The following SCAP variants were observed in gnomAD, a reference collection of about 807,000 sequenced individuals.
SCAP encodes the protein SREBF chaperone, also known as sterol regulatory element-binding protein cleavage-activating protein.
SCAP carries 65 observed loss-of-function variants against 123.6 expected under a neutral mutation model. That is an observed-to-expected ratio of 0.53 (90% CI 0.43 to 0.65). SCAP has a LOEUF of 0.65. Among genes scored for constraint, SCAP ranks in the 30% least tolerant of loss-of-function variants. The pLI, the probability that SCAP is intolerant of heterozygous loss-of-function variation, is 0.00. For synonymous variants in SCAP, 740 were observed against 726.3 expected, an observed-to-expected ratio of 1.02 and a Z score of -0.30; for missense variants, 1,398 against 1,712.5, an observed-to-expected ratio of 0.82 and a Z score of 3.24.
chr3:47,421,779 CT>C (rs1271657816), intron 10 of SCAP, among the ~76,000 whole-genome samples: 1 of 152,162 alleles, frequency 6.6e-6, no homozygotes, highest in East Asian at 1.9e-4. Context: ...CCTGCCAGCC[CT>C]GGGGGAAAGA....
At position 47,460,836 on chromosome 3, in the gene SCAP, G is replaced by A. The variant is rs557219277; in HGVS notation, c.-99+14963C>T. Among the ~76,000 whole-genome samples, 93 of 152,318 alleles carry A rather than the reference G, an allele frequency of 6.1e-4. 1 individual carries two copies. In the South Asian group the frequency reaches 0.014, roughly 23 times the overall value. On this transcript the variant is annotated intron_variant, in intron 1 of 22. Coordinates refer to ENST00000265565, the MANE Select transcript of SCAP (RefSeq NM_012235.4). ...CTCCCAAAGTGCTGGGATTACAGGC[G>A]TGAGCCACTGCGCCCAGCAAGAACT...
intron 2 of SCAP, among the ~76,000 whole-genome samples, chr3:47,438,005 T>A (rs1207552686): frequency 6.6e-6 from 1 of 152,190 alleles, no homozygotes; most frequent in Non-Finnish European, 1.5e-5. Flanking sequence ...TTTCTCCAAA[T>A]CCTTGTCACC....
intron 6 of SCAP, 35 bp from the exon 7 acceptor site, chr3:47,426,204 GTTGCTC>G (rs763737898): frequency 6.3e-7 from 1 of 1,595,080 alleles, no homozygotes; most frequent in African/African-American, 1.3e-5. Flanking sequence ...AAATGGAAGT[GTTGCTC>G]TTGGTTCTGG....
At chr3:47,428,381 C>T (rs991655909) in intron 4 of SCAP, 132 bp downstream of exon 4, 7 of 978,876 alleles carry the variant, frequency 7.2e-6, no homozygotes, top group Non-Finnish European at 1.1e-5. Flanking sequence ...TCAAGGCTAG[C>T]TCACCCTCCA....
chr3:47,414,161 T>G lies in SCAP; in HGVS notation c.3594+19A>C. The G allele has an allele frequency of 1.9e-6, 3 of 1,613,620 alleles. No homozygotes were observed. The South Asian group carries it at 3.3e-5, about 18-fold the overall frequency. On this transcript the variant is annotated intron_variant, in intron 22 of 22. Coordinates refer to ENST00000265565, the MANE Select transcript of SCAP (RefSeq NM_012235.4). Reference sequence around the variant, plus strand: ...CTTCCCTAAAATCCCAAGAATCCTATGATCCCCATCCCCTCTACCTGCTGA... The same window carrying G: ...CTTCCCTAAAATCCCAAGAATCCTAGGATCCCCATCCCCTCTACCTGCTGA...
In SCAP at chr3:47,434,832, C is replaced by T. The variant is rs891918153; in HGVS notation, c.252+176G>A. ...AGCCTGGACAACAGGAGCAAAACTC[C>T]ATCTCAAAAAAAAATGTATAAACTA... On this transcript the variant is annotated intron_variant, in intron 3 of 22. Coordinates refer to ENST00000265565, the MANE Select transcript of SCAP (RefSeq NM_012235.4). 1.4e-5 allele frequency: 10 copies of T among 710,468 alleles called. No homozygotes were observed. The East Asian group carries it at 2.8e-4, about 20-fold the overall frequency. 44.0% of individuals were successfully genotyped at this position (710,468 alleles called of 1,614,324 possible). A position where few individuals can be genotyped will look rare whatever the true frequency, so the allele number is the denominator to read the frequency against.
At chr3:47,468,713 C>T (rs1707924485) in intron 1 of SCAP, among the ~76,000 whole-genome samples, 1 of 152,108 alleles carries the variant, frequency 6.6e-6, no homozygotes, top group Non-Finnish European at 1.5e-5. Flanking sequence ...TGTAGAAGCT[C>T]TTTAGTTTAA....
At chr3:47,462,292 C>T (rs1340781906) in intron 1 of SCAP, among the ~76,000 whole-genome samples, 4 of 152,080 alleles carry the variant, frequency 2.6e-5, no homozygotes, top group Non-Finnish European at 5.9e-5. Context: ...TACTATATAA[C>T]TTGTCAAAGG....
At chr3:47,463,244 C>T (rs1310022718) in intron 1 of SCAP, among the ~76,000 whole-genome samples, 1 of 152,186 alleles carries the variant, frequency 6.6e-6, no homozygotes, top group Non-Finnish European at 1.5e-5. Flanking sequence ...ACAGTTTTAC[C>T]TCCAAGTCAG....
At chr3:47,473,609 C>G (rs1708153356) in intron 1 of SCAP, among the ~76,000 whole-genome samples, 1 of 152,190 alleles carries the variant, frequency 6.6e-6, no homozygotes, top group African/African-American at 2.4e-5. Flanking sequence ...CGGTAAAACA[C>G]TGGCAACCAC....
At position 47,443,021 on chromosome 3, in the gene SCAP, C is replaced by T. The variant is rs1269061400; in HGVS notation, c.-28G>A. On this transcript the variant is annotated 5_prime_UTR_variant, in exon 2 of 23. Coordinates refer to ENST00000265565, the MANE Select transcript of SCAP (RefSeq NM_012235.4). Reference sequence around the variant, plus strand: ...TCAGCCGAAGTCACCTTGCTGCCATCCCGGAAAGTGACCATGGATCACCCT... The same window carrying T: ...TCAGCCGAAGTCACCTTGCTGCCATTCCGGAAAGTGACCATGGATCACCCT... 4 of 1,612,544 alleles carry T rather than the reference C, an allele frequency of 2.5e-6. No homozygotes were observed. Among genetic ancestry groups the T allele is most frequent in the Non-Finnish European group, 2.5e-6 (3 of 1,179,898 alleles).
chr3:47,442,609 G>A (rs542293768), intron 2 of SCAP, among the ~76,000 whole-genome samples: 30 of 152,316 alleles, frequency 2.0e-4, no homozygotes, highest in African/African-American at 7.0e-4. Context: ...CAGTGTCTTA[G>A]AAGTATCTAA....
In SCAP at chr3:47,425,615, G is replaced by A. The variant is rs923202463; in HGVS notation, c.911-4C>T. ...GACTTGACCATGTCGATCTTCCCTGGAGGGCAGAGAGGGCGTATCAGGGCG... is the reference window on the plus strand; with the variant it reads ...GACTTGACCATGTCGATCTTCCCTGAAGGGCAGAGAGGGCGTATCAGGGCG... On this transcript the variant is annotated splice_region_variant and splice_polypyrimidine_tract_variant and intron_variant, in intron 7 of 22. Coordinates refer to ENST00000265565, the MANE Select transcript of SCAP (RefSeq NM_012235.4). 1.9e-6 allele frequency: 3 copies of A among 1,613,804 alleles called. No homozygotes were observed. Among genetic ancestry groups the A allele is most frequent in the Non-Finnish European group, 1.7e-6 (2 of 1,179,990 alleles).
intron 2 of SCAP, among the ~76,000 whole-genome samples, chr3:47,442,163 T>C (rs1482138803): frequency 6.6e-6 from 1 of 152,178 alleles, no homozygotes; most frequent in Non-Finnish European, 1.5e-5. Context: ...CAGAATTCTT[T>C]CCAGAGAAAA....
chr3:47,438,484 CT>C (rs1706672147), intron 2 of SCAP, among the ~76,000 whole-genome samples: 1 of 152,080 alleles, frequency 6.6e-6, no homozygotes, highest in Non-Finnish European at 1.5e-5. Flanking sequence ...TTCTTTATTC[CT>C]TTACTTTTCT....
rs1388587105 is a variant in SCAP at position 47,449,474 on chromosome 3, G to A, written c.-98-6383C>T. On this transcript the variant is annotated intron_variant, in intron 1 of 22. Coordinates refer to ENST00000265565, the MANE Select transcript of SCAP (RefSeq NM_012235.4). ...GGGACCACAGTCCCTTTAAATAGAAGACTTCCTCTCCTATCCATTTGCCAA... is the reference window on the plus strand; with the variant it reads ...GGGACCACAGTCCCTTTAAATAGAAAACTTCCTCTCCTATCCATTTGCCAA... 1.6e-5 allele frequency among the ~76,000 whole-genome samples: 2 copies of A among 124,200 alleles called. 1 individual carries two copies. Among genetic ancestry groups the A allele is most frequent in the Non-Finnish European group, 3.6e-5 (2 of 56,260 alleles). The allele number at this position is 124,200 out of a possible 152,430, so 81.5% of individuals were successfully genotyped here.
At chr3:47,434,950 C>T (rs777111657) in intron 3 of SCAP, 58 bp downstream of exon 3, 2 of 1,610,190 alleles carry the variant, frequency 1.2e-6, no homozygotes, top group African/African-American at 2.7e-5. Context: ...AGACCCCTGC[C>T]TCAGCCAGTC....
At chr3:47,425,897 T>G in intron 7 of SCAP, 100 bp downstream of exon 7, 1 of 1,355,518 alleles carries the variant, frequency 7.4e-7, no homozygotes, top group Admixed American at 2.0e-5. Flanking sequence ...GTGTGTTCTA[T>G]CTCTCTACCC....
At chr3:47,443,870 C>A (rs1706921764) in intron 1 of SCAP, among the ~76,000 whole-genome samples, 1 of 152,152 alleles carries the variant, frequency 6.6e-6, no homozygotes, top group South Asian at 2.1e-4. Context: ...CCAAGCTACA[C>A]AAATTGGGCC....
Sources: gnomAD v4.1 joint callset for allele counts (sites outside exome capture counted in the v4.1 genomes callset) on GRCh38, gnomAD v4.1.1 for gene constraint, MANE v1.5 for transcripts, NCBI Gene and HGNC (gene_info 2026-07-23, HGNC 2026-07-21) for gene names.